Variants in TYW1B observed in about 807,000 individuals in gnomAD.
The protein encoded by TYW1B is S-adenosyl-L-methionine-dependent tRNA 4-demethylwyosine synthase TYW1B.
A neutral mutation model predicts 86.9 loss-of-function variants in TYW1B; 73 were observed. The ratio of observed to expected loss-of-function variants is 0.84; its 90% CI spans 0.70 to 1.02. The LOEUF (loss-of-function observed/expected upper bound fraction) is 1.02. TYW1B is among the 50% of genes least tolerant of loss of function. The probability of loss-of-function intolerance (pLI) is 0.00; values close to 1 mark genes in which losing one functional copy is unlikely to be tolerated. For missense variants in TYW1B, 637 were observed against 827.4 expected, an observed-to-expected ratio of 0.77 and a Z score of 2.82; for synonymous variants, 248 against 292.8, an observed-to-expected ratio of 0.85 and a Z score of 1.56.
intron 11 of TYW1B, among the ~76,000 whole-genome samples, chr7:72,633,217 G>A (rs1812584522): frequency 6.6e-6 from 1 of 152,174 alleles, no homozygotes; most frequent in Admixed American, 6.5e-5. Flanking sequence ...GTAAATATGT[G>A]CATAAATACA....
intron 6 of TYW1B, among the ~76,000 whole-genome samples, chr7:72,798,453 T>A (rs185273507): frequency 1.3e-5 from 2 of 152,260 alleles, no homozygotes; most frequent in East Asian, 3.9e-4. Flanking sequence ...GGAAATCACA[T>A]TAATGCATAT....
At chr7:72,661,597 T>G (rs1303979620) in intron 11 of TYW1B, among the ~76,000 whole-genome samples, 1 of 148,032 alleles carries the variant, frequency 6.8e-6, no homozygotes, top group African/African-American at 2.5e-5. Flanking sequence ...TATTCTCTAT[T>G]CAACATTATT....
intron 11 of TYW1B, among the ~76,000 whole-genome samples, chr7:72,634,250 C>T (rs1439318223): frequency 6.6e-6 from 1 of 151,986 alleles, no homozygotes; most frequent in Non-Finnish European, 1.5e-5. Flanking sequence ...ATAAGCACGG[C>T]CCACTACAGC....
intron 9 of TYW1B, among the ~76,000 whole-genome samples, chr7:72,721,071 C>A (rs1274580097): frequency 1.3e-5 from 2 of 152,156 alleles, no homozygotes; most frequent in Non-Finnish European, 2.9e-5. Context: ...CTTAAAAAAA[C>A]ATGAATTCAT....
intron 11 of TYW1B, among the ~76,000 whole-genome samples, chr7:72,662,424 T>C (rs1403297284): frequency 0.015 from 686 of 46,518 alleles, 10 homozygotes; most frequent in African/African-American, 0.046. Context: ...TTAATATATA[T>C]ATATAGATAG....
At chr7:72,748,829 T>C (rs10452708) in intron 7 of TYW1B, among the ~76,000 whole-genome samples, 102,649 of 149,866 alleles carry the variant, frequency 0.68, 35,987 homozygotes, top group Non-Finnish European at 0.77. Flanking sequence ...CTGAATTCTA[T>C]TTGCTCATAT....
chr7:72,650,069 GT>G (rs58355823), intron 11 of TYW1B, among the ~76,000 whole-genome samples: 13,657 of 131,472 alleles, frequency 0.1, 807 homozygotes, highest in African/African-American at 0.19. Context: ...TTTTTTGTTG[GT>G]TTTTTTTTTT....
At chr7:72,621,308 T>C (rs1176661928) in intron 12 of TYW1B, among the ~76,000 whole-genome samples, 21 of 152,270 alleles carry the variant, frequency 1.4e-4, no homozygotes, top group African/African-American at 4.1e-4. Context: ...GATTTTTTTT[T>C]CCCCACAATA....
chr7:72,690,716 G>T (rs562674021), intron 11 of TYW1B, among the ~76,000 whole-genome samples: 1 of 152,156 alleles, frequency 6.6e-6, no homozygotes. Flanking sequence ...CTTATTTATA[G>T]TAATCTGGTA....
At chr7:72,718,153 A>T (rs1786826531) in intron 9 of TYW1B, among the ~76,000 whole-genome samples, 1 of 152,176 alleles carries the variant, frequency 6.6e-6, no homozygotes, top group Admixed American at 6.5e-5. Context: ...ATAAAAACGA[A>T]CAAAATCATG....
chr7:72,617,290 C>A (rs1458789169), intron 12 of TYW1B, among the ~76,000 whole-genome samples: 7 of 152,102 alleles, frequency 4.6e-5, no homozygotes, highest in African/African-American at 1.7e-4. Flanking sequence ...GCTGAGCTTC[C>A]ATTTTCTAGT....
At chr7:72,676,662 A>G (rs1445395068) in intron 11 of TYW1B, among the ~76,000 whole-genome samples, 1 of 147,528 alleles carries the variant, frequency 6.8e-6, no homozygotes, top group East Asian at 2.0e-4. Context: ...TAAAGGCTTT[A>G]AAAAAAAAAA....
intron 7 of TYW1B, among the ~76,000 whole-genome samples, chr7:72,774,817 C>T (rs62466875): frequency 0.018 from 2,675 of 152,088 alleles, 42 homozygotes; most frequent in Non-Finnish European, 0.028. Flanking sequence ...AGATATGAAG[C>T]ATGCAAACAG....
At chr7:72,806,131 T>A (rs1788489871) in intron 5 of TYW1B, among the ~76,000 whole-genome samples, 1 of 152,082 alleles carries the variant, frequency 6.6e-6, no homozygotes. Flanking sequence ...TGGGACAAAT[T>A]TAACTTCTCT....
chr7:72,632,462 C>CAT (rs568767810), intron 11 of TYW1B, among the ~76,000 whole-genome samples: 2,899 of 90,464 alleles, frequency 0.032, 202 homozygotes, highest in African/African-American at 0.1. Context: ...TATATATATA[C>CAT]ATATATATAT....
intron 8 of TYW1B, among the ~76,000 whole-genome samples, chr7:72,733,060 C>T (rs536743058): frequency 2.2e-4 from 34 of 151,920 alleles, no homozygotes; most frequent in Admixed American, 1.6e-3. Flanking sequence ...AAGAGAAAAC[C>T]TGAACAGATC....
At chr7:72,727,486 G>A (rs1415057119) in intron 9 of TYW1B, among the ~76,000 whole-genome samples, 2 of 152,106 alleles carry the variant, frequency 1.3e-5, no homozygotes, top group Admixed American at 1.3e-4. Flanking sequence ...CTCAAAGCGT[G>A]GTCCCCAGTT....
chr7:72,603,474 T>C (rs555643033), intron 13 of TYW1B, among the ~76,000 whole-genome samples: 31 of 152,298 alleles, frequency 2.0e-4, no homozygotes, highest in African/African-American at 7.0e-4. Context: ...GGGACAAGCC[T>C]TCGGTATGGA....
At chr7:72,746,685 C>A (rs1324629779) in intron 7 of TYW1B, among the ~76,000 whole-genome samples, 2 of 152,032 alleles carry the variant, frequency 1.3e-5, no homozygotes, top group Admixed American at 6.6e-5. Context: ...GAAGAGAGAC[C>A]AGAGATCTCT....
Sources: gnomAD v4.1 joint callset for allele counts (sites outside exome capture counted in the v4.1 genomes callset) on GRCh38, gnomAD v4.1.1 for gene constraint, MANE v1.5 for transcripts, NCBI Gene and HGNC (gene_info 2026-07-23, HGNC 2026-07-21) for gene names.